The following VPS45 variants were observed in gnomAD, a reference collection of about 807,000 sequenced individuals.
VPS45 encodes vacuolar protein sorting 45 homolog, also known as vacuolar protein sorting-associated protein 45.
Under a neutral mutation model 75.9 loss-of-function variants are expected in VPS45, and 35 were observed. The ratio of observed to expected loss-of-function variants is 0.46; its 90% CI spans 0.35 to 0.61. The LOEUF (loss-of-function observed/expected upper bound fraction) is 0.61. VPS45 is among the 20% of genes least tolerant of loss of function. The probability of loss-of-function intolerance (pLI) is 0.00; values close to 1 mark genes in which losing one functional copy is unlikely to be tolerated. For missense variants in VPS45, 559 were observed against 685.9 expected, an observed-to-expected ratio of 0.81 and a Z score of 2.07; for synonymous variants, 220 against 238.2, an observed-to-expected ratio of 0.92 and a Z score of 0.70.
chr1:150,106,198 C>G (rs1171235917), intron 13 of VPS45, among the ~76,000 whole-genome samples: 1 of 152,032 alleles, frequency 6.6e-6, no homozygotes, highest in African/African-American at 2.4e-5. Context: ...TTGGCCTAGG[C>G]AAAGAATTTA....
chr1:150,082,574 CA>C, intron 9 of VPS45, 141 bp from the exon 10 acceptor site: 1 of 949,758 alleles, frequency 1.1e-6, no homozygotes, highest in South Asian at 1.7e-5. Flanking sequence ...TTAAGCATAA[CA>C]AAATGCCATG....
intron 10 of VPS45, among the ~76,000 whole-genome samples, chr1:150,088,474 CCTTTTTT>C (rs1656141442): frequency 3.5e-5 from 3 of 85,744 alleles, no homozygotes; most frequent in African/African-American, 1.5e-4. Flanking sequence ...TTTTCTTTTC[CCTTTTTT>C]CTTTTTTTTT....
At chr1:150,084,154 G>C (rs1553800159) in intron 10 of VPS45, among the ~76,000 whole-genome samples, 1 of 152,102 alleles carries the variant, frequency 6.6e-6, no homozygotes, top group African/African-American at 2.4e-5. Flanking sequence ...TAAACAGTTT[G>C]ACCTGTAGAG....
chr1:150,139,636 A>T (rs1553814770), intron 14 of VPS45, among the ~76,000 whole-genome samples: 1 of 151,986 alleles, frequency 6.6e-6, no homozygotes, highest in African/African-American at 2.4e-5. Context: ...CAGTCTCTAA[A>T]TCCTGGGCTC....
intron 14 of VPS45, among the ~76,000 whole-genome samples, chr1:150,113,043 G>A (rs903928205): frequency 2.0e-5 from 3 of 152,068 alleles, no homozygotes; most frequent in Non-Finnish European, 2.9e-5. Flanking sequence ...TGGAGGTTTC[G>A]TTATGTGGGC....
chr1:150,144,775 A>C lies in VPS45; in HGVS notation c.1692A>C (p.Ser564=). ...SRSKESSQVT[S]RSASRR ...GCAAGGAGAGCTCTCAAGTCACATC[A>C]AGGTCAGCGAGCAGAAGATGAAACG... is the stretch of plus-strand genomic sequence containing the variant. The change falls in exon 15 of 15, where the codon TCA becomes TCC. Residue 564 remains serine (S), a synonymous_variant. Coordinates refer to ENST00000644510, the MANE Select transcript of VPS45 (RefSeq NM_007259.5). 1 of 1,614,168 alleles carries C rather than the reference A, an allele frequency of 6.2e-7. No individual in the cohort carries two copies. Among genetic ancestry groups the C allele is most frequent in the Non-Finnish European group, 8.5e-7 (1 of 1,180,036 alleles).
intron 13 of VPS45, among the ~76,000 whole-genome samples, chr1:150,095,308 G>A (rs1433467313): frequency 6.6e-6 from 1 of 152,126 alleles, no homozygotes. Context: ...TTTAAGATGA[G>A]CTTTGAGTCA....
intron 13 of VPS45, among the ~76,000 whole-genome samples, chr1:150,107,568 A>G (rs1219592601): frequency 6.6e-6 from 1 of 152,092 alleles, no homozygotes; most frequent in Non-Finnish European, 1.5e-5. Flanking sequence ...GTTACACCCA[A>G]TTCATTCTTG....
chr1:150,109,255 T>A (rs1657509646), intron 13 of VPS45: 1 of 152,184 alleles, frequency 6.6e-6, no homozygotes, highest in African/African-American at 2.4e-5. Context: ...GGTTTCAAAC[T>A]CCTGACCTCA....
Position 150,067,853 on chromosome 1 carries a change from C to G in VPS45, c.-5C>G. 6.2e-7 allele frequency: 1 copy of G among 1,613,956 alleles called. No individual in the cohort carries two copies. Among genetic ancestry groups the G allele is most frequent in the Non-Finnish European group, 8.5e-7 (1 of 1,179,886 alleles). On this transcript the variant is annotated 5_prime_UTR_variant, in exon 1 of 15. Coordinates refer to ENST00000644510, the MANE Select transcript of VPS45 (RefSeq NM_007259.5). ...GGGCTGTAGGGTACTTGTCAATTCG[C>G]CGCCATGAACGTGGTTTTTGCTGTG... is the stretch of plus-strand genomic sequence containing the variant.
rs782376701 is a variant in VPS45 at position 150,092,025 on chromosome 1, ACAG to A, written c.1199_1201del (p.Ser400del). 6.2e-7 allele frequency: 1 copy of A among 1,614,200 alleles called. No homozygotes were observed. Among genetic ancestry groups the A allele is most frequent in the Admixed American group, 1.7e-5 (1 of 60,028 alleles). On this transcript the variant is annotated inframe_deletion, in exon 11 of 15. Transcript: ENST00000644510. ...CTTTATGCTTTACATTATGAGCGAC[ACAG>A]CAGCAATAGCCTGCCAGGACTAATG... is the stretch of plus-strand genomic sequence containing the variant.
intron 13 of VPS45, among the ~76,000 whole-genome samples, chr1:150,101,429 G>T (rs1157516009): frequency 6.6e-6 from 1 of 152,016 alleles, no homozygotes; most frequent in Admixed American, 6.6e-5. Flanking sequence ...AGTCAGAATG[G>T]CTATTACTAA....
rs1315043590 is a variant in VPS45, at chr1:150,072,284, A to G, written c.289+58A>G. On this transcript the variant is annotated intron_variant, in intron 3 of 14. Coordinates refer to ENST00000644510, the MANE Select transcript of VPS45 (RefSeq NM_007259.5). ...AACAACATCCCAGTTAGTGTGTTTC[A>G]TTGAGCCCTTCATATCATCAATAAC... is the stretch of plus-strand genomic sequence containing the variant. 2.4e-6 allele frequency: 3 copies of G among 1,253,344 alleles called. No individual in the cohort carries two copies. In the East Asian group the frequency reaches 7.3e-5, roughly 31 times the overall value. The allele number at this position is 1,253,344 out of a possible 1,614,324, so 77.6% of individuals were successfully genotyped here. A position where few individuals can be genotyped will look rare whatever the true frequency, so the allele number is the denominator to read the frequency against.
At chr1:150,115,455 A>G (rs1240896673) in intron 14 of VPS45, among the ~76,000 whole-genome samples, 6 of 152,100 alleles carry the variant, frequency 3.9e-5, no homozygotes, top group Non-Finnish European at 7.4e-5. Context: ...TTTTTCCTAA[A>G]CCACATTAAC....
chr1:150,114,635 C>A (rs1657828694), intron 14 of VPS45, among the ~76,000 whole-genome samples: 4 of 150,204 alleles, frequency 2.7e-5, no homozygotes, highest in African/African-American at 9.8e-5. Flanking sequence ...GTGGCTCACA[C>A]CTGTAATCCC....
chr1:150,138,024 T>A (rs1659204832), intron 14 of VPS45, among the ~76,000 whole-genome samples: 1 of 152,072 alleles, frequency 6.6e-6, no homozygotes, highest in African/African-American at 2.4e-5. Flanking sequence ...ATTTCTGTGT[T>A]CTCTTTCATG....
rs587649009 is a variant in VPS45, at chr1:150,129,231, A to G, written c.1626-15478A>G. Among the ~76,000 whole-genome samples, 17 of 152,312 alleles carry G rather than the reference A, an allele frequency of 1.1e-4. No homozygotes were observed. The South Asian group carries it at 3.5e-3, about 32-fold the overall frequency. On this transcript the variant is annotated intron_variant, in intron 14 of 14. Coordinates refer to ENST00000644510, the MANE Select transcript of VPS45 (RefSeq NM_007259.5). Reference sequence around the variant, plus strand: ...GTCTAATAGGAAAATAAACATATAAATGAACAACTCTAATAAGATGCCTTT... The same window carrying G: ...GTCTAATAGGAAAATAAACATATAAGTGAACAACTCTAATAAGATGCCTTT...
intron 2 of VPS45, 94 bp from the exon 3 acceptor site, chr1:150,072,072 C>A (rs16833591): frequency 1.9e-6 from 2 of 1,029,386 alleles, no homozygotes; most frequent in Admixed American, 2.0e-5. Flanking sequence ...ATGCAGTAGA[C>A]GCAGTAAATA....
intron 13 of VPS45, among the ~76,000 whole-genome samples, chr1:150,108,576 A>G (rs587644315): frequency 7.2e-5 from 11 of 152,332 alleles, no homozygotes; most frequent in African/African-American, 2.6e-4. Flanking sequence ...AAGTGGGACC[A>G]TAAAAGGATA....
Sources: allele counts gnomAD v4.1 joint callset (sites outside exome capture counted in the v4.1 genomes callset), GRCh38; gene constraint gnomAD v4.1.1; transcripts MANE v1.5; gene names NCBI Gene and HGNC (gene_info 2026-07-23, HGNC 2026-07-21).